The following PRKAG2 variants were observed in gnomAD, a reference collection of about 807,000 sequenced individuals.
PRKAG2 encodes 5'-AMP-activated protein kinase subunit gamma-2.
Under a neutral mutation model 69.6 loss-of-function variants are expected in PRKAG2, and 26 were observed. That is an observed-to-expected ratio of 0.37 (90% CI 0.27 to 0.52). The LOEUF (loss-of-function observed/expected upper bound fraction) is 0.52. PRKAG2 is among the 20% of genes least tolerant of loss of function. The pLI is 0.90. For missense variants in PRKAG2, 557 were observed against 740.0 expected (o/e 0.75, Z 2.87); for synonymous variants, 293 against 285.0 (o/e 1.03, Z -0.28).
chr7:151,675,256 A>C (rs1832720343), intron 4 of PRKAG2, 164 bp downstream of exon 4: 2 of 784,918 alleles, frequency 2.5e-6, no homozygotes, highest in Non-Finnish European at 4.3e-6. Context: ...TTGTGCCCTC[A>C]CCATTTCTCC....
intron 3 of PRKAG2, among the ~76,000 whole-genome samples, chr7:151,735,145 C>G (rs186743011): frequency 2.0e-5 from 3 of 152,106 alleles, no homozygotes; most frequent in East Asian, 3.9e-4. Flanking sequence ...CATGAGCCAC[C>G]GCGCCCGGCC....
intron 6 of PRKAG2, among the ~76,000 whole-genome samples, chr7:151,586,081 G>A (rs1274125529): frequency 6.6e-6 from 1 of 152,240 alleles, no homozygotes; most frequent in African/African-American, 2.4e-5. Context: ...GCTGGACTAT[G>A]AGTTGATGTG....
chr7:151,587,490 A>C (rs147963656), intron 6 of PRKAG2, among the ~76,000 whole-genome samples: 1 of 152,110 alleles, frequency 6.6e-6, no homozygotes, highest in Admixed American at 6.5e-5. Flanking sequence ...GAATCATCTC[A>C]TGGTGGAAAA....
intron 6 of PRKAG2, among the ~76,000 whole-genome samples, chr7:151,577,761 G>GA (rs1180949585): frequency 4.0e-5 from 6 of 150,650 alleles, no homozygotes; most frequent in Non-Finnish European, 5.9e-5. Context: ...ATACCAATGA[G>GA]AAAAAAAATC....
At chr7:151,817,152 G>A (rs903445444) in intron 1 of PRKAG2, among the ~76,000 whole-genome samples, 2 of 152,016 alleles carry the variant, frequency 1.3e-5, no homozygotes, top group African/African-American at 4.8e-5. Flanking sequence ...GCATGCAGGT[G>A]GCTCTGAGCT....
chr7:151,564,571 T>C (rs952949877), intron 13 of PRKAG2, among the ~76,000 whole-genome samples: 1 of 152,156 alleles, frequency 6.6e-6, no homozygotes, highest in Non-Finnish European at 1.5e-5. Context: ...TGGGCTGACA[T>C]CTGTAAAGGG....
In PRKAG2 at chr7:151,614,606, C is replaced by T. The variant is rs1377184551; in HGVS notation, c.754+17463G>A. 6.6e-6 allele frequency among the ~76,000 whole-genome samples: 1 copy of T among 152,084 alleles called. No homozygotes were observed. Among genetic ancestry groups the T allele is most frequent in the Non-Finnish European group, 1.5e-5 (1 of 68,004 alleles). On this transcript the variant is annotated intron_variant, in intron 5 of 15. Transcript: ENST00000287878. This position sits in a 1 kb window ranked among gnomAD's most constrained non-coding sequence, Gnocchi z 4.4. The stretch of plus-strand genomic sequence containing the variant: ...TGCTTCCCGCTCTCTCTCCCCATCT[C>T]CACTTGACCTTGTGGTGGTTCACTC...
intron 1 of PRKAG2, among the ~76,000 whole-genome samples, chr7:151,805,071 C>G (rs1348715739): frequency 6.6e-6 from 1 of 152,224 alleles, no homozygotes; most frequent in Non-Finnish European, 1.5e-5. Context: ...GTGCTGTCTC[C>G]TGTTGAGTGG....
At chr7:151,590,963 G>C (rs1399353260) in intron 6 of PRKAG2, among the ~76,000 whole-genome samples, 1 of 152,220 alleles carries the variant, frequency 6.6e-6, no homozygotes, top group Non-Finnish European at 1.5e-5. Context: ...TGTTTAATGA[G>C]GCTGAGATGC....
intron 9 of PRKAG2, among the ~76,000 whole-genome samples, chr7:151,571,747 C>T (rs1003275816): frequency 2.0e-5 from 3 of 152,272 alleles, no homozygotes; most frequent in Non-Finnish European, 4.4e-5. Context: ...AAACCCATCA[C>T]TCAGTGAAAC....
intron 4 of PRKAG2, among the ~76,000 whole-genome samples, chr7:151,639,403 T>C (rs112786727): frequency 1.5e-4 from 23 of 152,254 alleles, no homozygotes; most frequent in African/African-American, 5.5e-4. Flanking sequence ...CTTGACTGGA[T>C]TAAGGAACAC....
chr7:151,631,639 G>A (rs1824437404), intron 5 of PRKAG2: 2 of 455,224 alleles, frequency 4.4e-6, no homozygotes, highest in Admixed American at 2.4e-5. Context: ...ACACCCTACC[G>A]GTCATATCTT....
intron 4 of PRKAG2, among the ~76,000 whole-genome samples, chr7:151,666,177 T>G (rs758971131): frequency 6.6e-6 from 1 of 152,256 alleles, no homozygotes; most frequent in South Asian, 2.1e-4. Context: ...TGTTATGGAC[T>G]GAATTTATGT....
intron 3 of PRKAG2, among the ~76,000 whole-genome samples, chr7:151,687,636 C>T (rs987552343): frequency 3.9e-5 from 6 of 152,144 alleles, no homozygotes; most frequent in East Asian, 1.9e-4. Flanking sequence ...ACCTCATTTT[C>T]GGTGGAGGAA....
intron 1 of PRKAG2, among the ~76,000 whole-genome samples, chr7:151,824,499 CCT>C (rs2151868034): frequency 6.6e-6 from 1 of 152,266 alleles, no homozygotes; most frequent in East Asian, 1.9e-4. Context: ...ATCCTAGTAG[CCT>C]CTGTGTGGAG....
intron 1 of PRKAG2, among the ~76,000 whole-genome samples, chr7:151,874,106 GA>G (rs1330524455): frequency 7.2e-6 from 1 of 139,048 alleles, no homozygotes; most frequent in African/African-American, 2.7e-5. Context: ...ATATGTATAT[GA>G]TGTATATGTA....
intron 6 of PRKAG2, among the ~76,000 whole-genome samples, chr7:151,592,538 T>C (rs1813464869): frequency 6.6e-6 from 1 of 152,214 alleles, no homozygotes; most frequent in African/African-American, 2.4e-5. Flanking sequence ...GGCTCTGTTC[T>C]ACTCCTGTCT....
rs1326628643 is a variant in PRKAG2, at chr7:151,719,983, C to T, written c.467-44346G>A. Among the ~76,000 whole-genome samples, 2 of 152,200 alleles carry T rather than the reference C, an allele frequency of 1.3e-5. No individual in the cohort carries two copies. Among genetic ancestry groups the T allele is most frequent in the African/African-American group, 4.8e-5 (2 of 41,456 alleles). ...GTCCAGACCAGGGGCAGCTCTGGCCCAGTCCTGGGCTCCTCCAGGTCTGTG... is the reference window on the plus strand; with the variant it reads ...GTCCAGACCAGGGGCAGCTCTGGCCTAGTCCTGGGCTCCTCCAGGTCTGTG... On this transcript the variant is annotated intron_variant, in intron 3 of 15. Coordinates refer to ENST00000287878, the MANE Select transcript of PRKAG2 (RefSeq NM_016203.4). The surrounding 1 kb of genome is among the most constrained non-coding windows in gnomAD (Gnocchi z 5.2).
chr7:151,872,336 C>T lies in PRKAG2; in HGVS notation c.114+4171G>A, dbSNP rs532903426. On this transcript the variant is annotated intron_variant, in intron 1 of 15. Coordinates refer to ENST00000287878, the MANE Select transcript of PRKAG2 (RefSeq NM_016203.4). ...TGAGTTGGTTTCCTTGACACCAGCC[C>T]GTTTCCCATCACTCCACTCTGTACA... 7.9e-4 allele frequency among the ~76,000 whole-genome samples: 120 copies of T among 152,326 alleles called. 2 individuals carry two copies. The highest frequency in any genetic ancestry group is 2.8e-3 in the African/African-American group (116 of 41,576).
Sources: gnomAD v4.1 joint callset for allele counts (sites outside exome capture counted in the v4.1 genomes callset) on GRCh38, gnomAD v4.1.1 for gene constraint, Gnocchi (gnomAD v3.1) non-coding constraint, MANE v1.5 for transcripts, NCBI Gene and HGNC (gene_info 2026-07-23, HGNC 2026-07-21) for gene names.